The following DCAF6 variants were observed in gnomAD, a reference collection of about 807,000 sequenced individuals.
The protein encoded by DCAF6 is DDB1- and CUL4-associated factor 6.
A neutral mutation model predicts 125.1 loss-of-function variants in DCAF6; 54 were observed. That is an observed-to-expected ratio of 0.43 (90% CI 0.35 to 0.54). The LOEUF (loss-of-function observed/expected upper bound fraction) is 0.54, where lower values mean the gene tolerates loss of function less well. DCAF6 is among the 20% of genes least tolerant of loss of function. DCAF6 has a pLI of 0.01. For synonymous variants in DCAF6, 371 were observed against 390.4 expected (o/e 0.95, Z 0.58); for missense variants, 934 against 1,161.7 (o/e 0.80, Z 2.85).
chr1:168,064,666 A>G (rs997171497), intron 18 of DCAF6, among the ~76,000 whole-genome samples: 6 of 152,228 alleles, frequency 3.9e-5, no homozygotes, highest in Non-Finnish European at 7.4e-5. Flanking sequence ...AGTTAGCATG[A>G]AAATAATTAG....
intron 3 of DCAF6, among the ~76,000 whole-genome samples, chr1:167,971,947 C>G (rs1034863481): frequency 1.6e-4 from 25 of 152,164 alleles, no homozygotes; most frequent in African/African-American, 5.6e-4. Flanking sequence ...CCTCCACCTC[C>G]CGGGTTCAAG....
Position 167,974,978 on chromosome 1 carries a change from A to G in DCAF6, c.401A>G (p.Gln134Arg). 2 of 1,605,356 alleles carry G rather than the reference A, an allele frequency of 1.2e-6. No homozygotes were observed. Among genetic ancestry groups the G allele is most frequent in the East Asian group, 2.2e-5 (1 of 44,704 alleles). ...NVEQDAETNR[Q>R]CQFTCHYGTT... is the part of the protein sequence containing the mutation. The stretch of plus-strand genomic sequence containing the variant: ...GAGCAAGATGCAGAAACCAACAGAC[A>G]ATGCCAATTTACGTGTCATTATGGA... The change falls in exon 4 of 22, where the codon CAA (glutamine) becomes CGA (arginine). Residue 134 changes from glutamine to arginine, a missense_variant. Coordinates refer to ENST00000367840, the MANE Select transcript of DCAF6 (RefSeq NM_001198956.2).
At chr1:167,973,347 T>G (rs1677633515) in intron 3 of DCAF6, among the ~76,000 whole-genome samples, 3 of 152,184 alleles carry the variant, frequency 2.0e-5, no homozygotes, top group South Asian at 4.1e-4. Flanking sequence ...TGTTGTTTGA[T>G]CCCTCTATTT....
At chr1:168,042,850 A>G (rs969662492) in intron 13 of DCAF6, 175 bp from the exon 14 acceptor site, 2 of 517,822 alleles carry the variant, frequency 3.9e-6, no homozygotes, top group Non-Finnish European at 6.9e-6. Flanking sequence ...AAAGTGTGTT[A>G]TGATAGTCAT....
intron 2 of DCAF6, among the ~76,000 whole-genome samples, chr1:167,963,389 C>G (rs1463843937): frequency 6.6e-6 from 1 of 150,696 alleles, no homozygotes; most frequent in African/African-American, 2.4e-5. Context: ...GTTCCTTGTT[C>G]CTATTTTTGT....
At chr1:168,036,890 C>T (rs1280099335) in intron 12 of DCAF6, among the ~76,000 whole-genome samples, 2 of 152,096 alleles carry the variant, frequency 1.3e-5, no homozygotes, top group Non-Finnish European at 2.9e-5. Flanking sequence ...TTTGGGATGT[C>T]AGGTTTATAA....
At chr1:168,009,383 C>CT (rs1557971200) in intron 10 of DCAF6, among the ~76,000 whole-genome samples, 3 of 139,144 alleles carry the variant, frequency 2.2e-5, no homozygotes, top group African/African-American at 8.5e-5. Flanking sequence ...TCCTTCCTTC[C>CT]TTCCTTTCTT....
At chr1:167,962,408 T>C (rs1220245758) in intron 2 of DCAF6, among the ~76,000 whole-genome samples, 2 of 152,164 alleles carry the variant, frequency 1.3e-5, no homozygotes, top group African/African-American at 4.8e-5. Context: ...TGGGAAACTA[T>C]GTTGTCTTGG....
chr1:167,988,316 A>G (rs1177603564), intron 5 of DCAF6, among the ~76,000 whole-genome samples: 2 of 151,970 alleles, frequency 1.3e-5, no homozygotes, highest in Non-Finnish European at 2.9e-5. Context: ...GTGTGCCACT[A>G]TGCTCAACTA....
intron 1 of DCAF6, among the ~76,000 whole-genome samples, chr1:167,947,627 A>G (rs1488539757): frequency 6.6e-6 from 1 of 151,850 alleles, no homozygotes; most frequent in African/African-American, 2.4e-5. Flanking sequence ...CATTGACCCT[A>G]TTGTCATTCA....
the DCAF6 span, among the ~76,000 whole-genome samples, chr1:167,927,324 C>A: frequency 6.6e-6 from 1 of 152,190 alleles, no homozygotes; most frequent in Non-Finnish European, 1.5e-5. Flanking sequence ...TCCTATAAGT[C>A]AGTCTTCTCA....
Position 168,015,957 on chromosome 1 carries a change from T to G in DCAF6, c.1549+6T>G. ...ACAGGACCCTCATGCTTCAGGTTAT[T>G]AATGTCAAGTGTCCTTAAGCAGCTG... On this transcript the variant is annotated splice_donor_region_variant and intron_variant, in intron 11 of 21. Transcript: ENST00000367840. The G allele has an allele frequency of 6.8e-7, 1 of 1,478,996 alleles. No individual in the cohort carries two copies. 91.6% of individuals were successfully genotyped at this position (1,478,996 alleles called of 1,614,324 possible). A position where few individuals can be genotyped will look rare whatever the true frequency, so the allele number is the denominator to read the frequency against.
At chr1:168,028,786 G>C (rs1409270747) in intron 12 of DCAF6, among the ~76,000 whole-genome samples, 1 of 152,012 alleles carries the variant, frequency 6.6e-6, no homozygotes, top group Non-Finnish European at 1.5e-5. Context: ...TTTCATTTTA[G>C]TACTATTATC....
At chr1:167,907,981 G>A in the DCAF6 span, among the ~76,000 whole-genome samples, 2 of 152,140 alleles carry the variant, frequency 1.3e-5, no homozygotes, top group South Asian at 4.2e-4. Flanking sequence ...TTGAAAGTAC[G>A]GCCATTATGG....
chr1:167,864,895 G>GAAAAAAAAAAAA, the DCAF6 span, among the ~76,000 whole-genome samples: 1 of 129,276 alleles, frequency 7.7e-6, no homozygotes. Context: ...TTGCTAACAG[G>GAAAAAAAAAAAA]AAAAAAAAAA....
chr1:167,955,571 C>T (rs1200229045), intron 2 of DCAF6, among the ~76,000 whole-genome samples: 2 of 151,680 alleles, frequency 1.3e-5, no homozygotes, highest in African/African-American at 4.8e-5. Flanking sequence ...CATATTCATT[C>T]AAGTAGCTTT....
intron 16 of DCAF6, 127 bp downstream of exon 16, chr1:168,045,354 C>T: frequency 1.3e-6 from 1 of 797,424 alleles, no homozygotes; most frequent in Admixed American, 3.0e-5. Flanking sequence ...TTCATATAAA[C>T]TTAAAGAAAC....
intron 7 of DCAF6, among the ~76,000 whole-genome samples, chr1:167,997,902 CT>C (rs1225524870): frequency 1.3e-5 from 2 of 152,018 alleles, no homozygotes; most frequent in African/African-American, 4.8e-5. Flanking sequence ...TAAGGAGATA[CT>C]CAACGTTATT....
intron 12 of DCAF6, among the ~76,000 whole-genome samples, chr1:168,032,265 T>A (rs1236462943): frequency 2.0e-5 from 3 of 152,244 alleles, no homozygotes; most frequent in Admixed American, 2.0e-4. Flanking sequence ...AGCACTCAAT[T>A]TTTAGAATGA....
Sources: gnomAD v4.1 joint callset for allele counts (sites outside exome capture counted in the v4.1 genomes callset) on GRCh38, gnomAD v4.1.1 for gene constraint, MANE v1.5 for transcripts, NCBI Gene and HGNC (gene_info 2026-07-23, HGNC 2026-07-21) for gene names.